ACOXL: variants seen among roughly 807,000 people sequenced by gnomAD.
The protein encoded by ACOXL is acyl-CoA oxidase like.
In ACOXL, 70 loss-of-function variants were observed where a neutral mutation model predicts 71.9. The observed-to-expected ratio is 0.97, with a 90% CI of 0.80 to 1.19. The LOEUF is 1.19. Among genes scored for constraint, ACOXL ranks in the 50% most tolerant of loss-of-function variants. ACOXL has a pLI of 0.00. For missense variants in ACOXL, 703 were observed against 736.3 expected, an observed-to-expected ratio of 0.95 and a Z score of 0.52; for synonymous variants, 253 against 281.6, an observed-to-expected ratio of 0.90 and a Z score of 1.02.
At chr2:110,925,484 A>G (rs2060235480) in intron 11 of ACOXL, among the ~76,000 whole-genome samples, 1 of 152,260 alleles carries the variant, frequency 6.6e-6, no homozygotes, top group South Asian at 2.1e-4. Flanking sequence ...TCTATGCTAT[A>G]GAGATGGTGT....
intron 15 of ACOXL, among the ~76,000 whole-genome samples, chr2:111,038,778 G>T (rs1398852219): frequency 6.6e-6 from 1 of 152,098 alleles, no homozygotes; most frequent in African/African-American, 2.4e-5. Flanking sequence ...AAATATGTTT[G>T]CAGTAAACAT....
rs1376171908 is a variant in ACOXL, at chr2:110,786,008, T to C, written c.159+1193T>C. 2.0e-5 allele frequency among the ~76,000 whole-genome samples: 3 copies of C among 152,234 alleles called. No individual in the cohort carries two copies. In the East Asian group the frequency reaches 5.8e-4, roughly 29 times the overall value. ...ATTGTCTTGAGGGAAGACAATTATC[T>C]TGCATGTTCCTGCTTACCAAGGAAG... On this transcript the variant is annotated intron_variant, in intron 3 of 17. Transcript: ENST00000439055.
chr2:110,955,186 T>TTCCA (rs2149423289), intron 12 of ACOXL, among the ~76,000 whole-genome samples: 1 of 152,298 alleles, frequency 6.6e-6, no homozygotes, highest in East Asian at 1.9e-4. Context: ...GAATATTGTT[T>TTCCA]TCCATGTTCT....
intron 1 of ACOXL, among the ~76,000 whole-genome samples, chr2:110,763,278 C>A (rs541461112): frequency 4.6e-5 from 7 of 152,302 alleles, no homozygotes; most frequent in African/African-American, 1.7e-4. Context: ...CTACTGGCTT[C>A]ATGACTTACT....
chr2:111,071,096 T>C (rs1574668311), intron 16 of ACOXL, among the ~76,000 whole-genome samples: 1 of 152,184 alleles, frequency 6.6e-6, no homozygotes, highest in East Asian at 1.9e-4. Flanking sequence ...CAGCTGCCAC[T>C]GCCTGTCACC....
At chr2:111,062,817 G>A (rs2066883186) in intron 16 of ACOXL, among the ~76,000 whole-genome samples, 1 of 151,972 alleles carries the variant, frequency 6.6e-6, no homozygotes, top group African/African-American at 2.4e-5. Context: ...AAAGATAGGA[G>A]CAAGAATCAA....
intron 12 of ACOXL, among the ~76,000 whole-genome samples, chr2:110,937,012 A>G (rs550500241): frequency 3.5e-4 from 54 of 152,190 alleles, no homozygotes; most frequent in African/African-American, 1.2e-3. Flanking sequence ...ATGCCCAGCT[A>G]ATTTTTGTAC....
chr2:110,979,884 C>T (rs1019798996), intron 12 of ACOXL, among the ~76,000 whole-genome samples: 3 of 152,132 alleles, frequency 2.0e-5, no homozygotes, highest in Admixed American at 1.3e-4. Context: ...TCAGGCTTTG[C>T]AGAAATTCTG....
Position 111,117,956 on chromosome 2 carries a change from C to T in ACOXL, c.*140C>T, listed in dbSNP as rs1011046021. On this transcript the variant is annotated 3_prime_UTR_variant, in exon 18 of 18. Coordinates refer to ENST00000439055, the MANE Select transcript of ACOXL (RefSeq NM_001142807.4). ...GGGATTTTGGTGGCAAAGCGGAGGT[C>T]CCGCCGAGGCTGGCGAGGTGCGCGG... The T allele has an allele frequency of 8.7e-6, 9 of 1,034,226 alleles. No individual in the cohort carries two copies. The African/African-American group carries it at 1.5e-4, about 17-fold the overall frequency. The allele number at this position is 1,034,226 out of a possible 1,614,324, so 64.1% of individuals were successfully genotyped here.
intron 3 of ACOXL, among the ~76,000 whole-genome samples, chr2:110,789,889 G>T (rs1206495901): frequency 2.0e-5 from 3 of 152,252 alleles, no homozygotes; most frequent in Non-Finnish European, 4.4e-5. Context: ...CTGGCCTATT[G>T]CAGCCGGGGA....
chr2:110,998,443 T>C (rs1360008831), intron 14 of ACOXL, among the ~76,000 whole-genome samples: 1 of 152,194 alleles, frequency 6.6e-6, no homozygotes, highest in African/African-American at 2.4e-5. Context: ...GACACTCCAG[T>C]GCGGCTCCTT....
intron 3 of ACOXL, among the ~76,000 whole-genome samples, chr2:110,787,171 A>T (rs953870969): frequency 1.3e-5 from 2 of 152,090 alleles, no homozygotes; most frequent in Middle Eastern, 3.4e-3. Flanking sequence ...CCATAATAAA[A>T]TTTTTTTCTG....
rs575071081 is a variant in ACOXL at position 110,744,843 on chromosome 2, T to G, written c.-23+12069T>G. 7.9e-5 allele frequency among the ~76,000 whole-genome samples: 12 copies of G among 152,198 alleles called. No individual in the cohort carries two copies. In the South Asian group the frequency reaches 2.5e-3, roughly 32 times the overall value. ...CTCTCATCTTGGAGAGGGTGGAGTT[T>G]GAGTATGAAGCTAGCCCTGGTGCAG... On this transcript the variant is annotated intron_variant, in intron 1 of 17. Coordinates refer to ENST00000439055, the MANE Select transcript of ACOXL (RefSeq NM_001142807.4).
At chr2:110,949,499 G>A (rs2061245388) in intron 12 of ACOXL, among the ~76,000 whole-genome samples, 1 of 152,156 alleles carries the variant, frequency 6.6e-6, no homozygotes, top group South Asian at 2.1e-4. Flanking sequence ...CCTTTCCTCT[G>A]CTGTTACTTT....
At chr2:110,920,568 T>G (rs1312732127) in intron 11 of ACOXL, among the ~76,000 whole-genome samples, 1 of 152,204 alleles carries the variant, frequency 6.6e-6, no homozygotes, top group Non-Finnish European at 1.5e-5. Context: ...AGCAATAGTT[T>G]TAAATTTTTG....
In ACOXL at chr2:110,834,387, T is replaced by C. The variant is rs140680578; in HGVS notation, c.754-6984T>C. Among the ~76,000 whole-genome samples the C allele has an allele frequency of 5.8e-3, 878 of 152,334 alleles. 11 individuals carry two copies. Among genetic ancestry groups the C allele is most frequent in the African/African-American group, 0.019 (790 of 41,564 alleles). On this transcript the variant is annotated intron_variant, in intron 9 of 17. Coordinates refer to ENST00000439055, the MANE Select transcript of ACOXL (RefSeq NM_001142807.4). ...TATTATCCGTTAGCCAACCCTTCATTATCAAGAGAAGCAAAGGAACTAGAG... is the reference window on the plus strand; with the variant it reads ...TATTATCCGTTAGCCAACCCTTCATCATCAAGAGAAGCAAAGGAACTAGAG...
chr2:111,058,961 C>T (rs1363544058), intron 16 of ACOXL, among the ~76,000 whole-genome samples: 1 of 152,142 alleles, frequency 6.6e-6, no homozygotes. Flanking sequence ...ACAGGATGAG[C>T]CAGGGCAGTG....
intron 10 of ACOXL, among the ~76,000 whole-genome samples, chr2:110,885,089 A>G (rs1178060261): frequency 6.6e-6 from 1 of 152,166 alleles, no homozygotes; most frequent in Non-Finnish European, 1.5e-5. Context: ...GCTTCTGCCA[A>G]ATTTGTGGTC....
At chr2:110,987,291 A>T in intron 13 of ACOXL, 74 bp downstream of exon 13, 1 of 1,356,424 alleles carries the variant, frequency 7.4e-7, no homozygotes, top group South Asian at 1.3e-5. Flanking sequence ...CAGCCTTGGC[A>T]TAACTCACTC....
Sources: gnomAD v4.1 joint callset for allele counts (sites outside exome capture counted in the v4.1 genomes callset) on GRCh38, gnomAD v4.1.1 for gene constraint, MANE v1.5 for transcripts, NCBI Gene and HGNC (gene_info 2026-07-23, HGNC 2026-07-21) for gene names.